Variants in PMVK observed in about 807,000 individuals in gnomAD.
PMVK encodes the protein phosphomevalonate kinase, also known as testis tissue sperm-binding protein Li 95mP.
A neutral mutation model predicts 19.0 loss-of-function variants in PMVK; 10 were observed. That is an observed-to-expected ratio of 0.53 (90% CI 0.32 to 0.89). The LOEUF (loss-of-function observed/expected upper bound fraction) is 0.89. PMVK is among the 40% of genes least tolerant of loss of function. PMVK has a pLI of 0.03. For missense variants in PMVK, 222 were observed against 251.1 expected (o/e 0.88, Z 0.78); for synonymous variants, 108 against 101.6 (o/e 1.06, Z -0.38).
At chr1:154,930,571 G>A (rs11264286) in intron 2 of PMVK, among the ~76,000 whole-genome samples, 29,233 of 129,786 alleles carry the variant, frequency 0.23, 6,734 homozygotes, top group African/African-American at 0.6. Context: ...AGCAAGACCT[G>A]TCTGGGAACT....
rs1654254764 is a variant in PMVK, at chr1:154,929,014, G to A, written c.312+10C>T. On this transcript the variant is annotated intron_variant, in intron 3 of 4. Coordinates refer to ENST00000368467, the MANE Select transcript of PMVK (RefSeq NM_006556.4). ...CAGGTGTTCTTCATGCTGCCATGGAGCCCTCTTACCCAGATGGGCTGGGAG... is the reference window on the plus strand; with the variant it reads ...CAGGTGTTCTTCATGCTGCCATGGAACCCTCTTACCCAGATGGGCTGGGAG... 1 of 1,612,470 alleles carries A rather than the reference G, an allele frequency of 6.2e-7. No homozygotes were observed. Among genetic ancestry groups the A allele is most frequent in the East Asian group, 2.2e-5 (1 of 44,860 alleles).
chr1:154,938,042 G>C (rs759343801), upstream of PMVK: 1 of 152,174 alleles, frequency 6.6e-6, no homozygotes, highest in Non-Finnish European at 1.5e-5. Context: ...AAAATACTTT[G>C]TAAGTTCTCA....
chr1:154,931,428 T>A (rs1654331800), intron 2 of PMVK, among the ~76,000 whole-genome samples: 1 of 152,200 alleles, frequency 6.6e-6, no homozygotes. Context: ...TTATTTTTTT[T>A]ATTCTATTTT....
intron 1 of PMVK, among the ~76,000 whole-genome samples, chr1:154,933,491 T>G (rs1209477684): frequency 1.1e-5 from 1 of 92,776 alleles, no homozygotes; most frequent in Non-Finnish European, 1.9e-5. Flanking sequence ...TTAACCAACC[T>G]TTTTTTTTTT....
intron 2 of PMVK, 72 bp from the exon 3 acceptor site, chr1:154,929,248 G>A: frequency 6.9e-7 from 1 of 1,457,024 alleles, no homozygotes; most frequent in Non-Finnish European, 9.6e-7. Context: ...CAGCGGAAGA[G>A]CCATCCCTCA....
intron 1 of PMVK, among the ~76,000 whole-genome samples, chr1:154,933,490 C>A (rs1420776814): frequency 8.8e-6 from 1 of 113,988 alleles, no homozygotes; most frequent in Non-Finnish European, 1.7e-5. Context: ...CTTAACCAAC[C>A]TTTTTTTTTT....
upstream of PMVK, chr1:154,937,091 C>T (rs1654534184): frequency 5.4e-6 from 1 of 184,658 alleles, no homozygotes; most frequent in Non-Finnish European, 1.2e-5. Flanking sequence ...AGGTGAACCC[C>T]ATGTTCCCTT....
At position 154,936,655 on chromosome 1, in the gene PMVK, CCAGCCGCG is replaced by C; in HGVS notation, c.23_30del (p.Pro8ArgfsTer26). The C allele has an allele frequency of 1.9e-6, 3 of 1,608,706 alleles. No individual in the cohort carries two copies. The highest frequency in any genetic ancestry group is 1.7e-6 in the Non-Finnish European group (2 of 1,178,050). ...TTCCTCTTGCCGCTGAACAGCAGTACCAGCCGCGGGGCGCCTCCCAGCGGGGCCATGGG... is the reference window on the plus strand; with the variant it reads ...TTCCTCTTGCCGCTGAACAGCAGTACGGGCGCCTCCCAGCGGGGCCATGGG... On this transcript the variant is annotated frameshift_variant, in exon 1 of 5. Coordinates refer to ENST00000368467, the MANE Select transcript of PMVK (RefSeq NM_006556.4). LOFTEE classifies it high-confidence loss of function.
chr1:154,925,729 A>G (rs1173052245), intron 4 of PMVK, among the ~76,000 whole-genome samples: 1 of 152,216 alleles, frequency 6.6e-6, no homozygotes, highest in African/African-American at 2.4e-5. Flanking sequence ...CTTTCAGGCC[A>G]GGGCCTCATC....
At chr1:154,929,286 G>T in intron 2 of PMVK, 110 bp from the exon 3 acceptor site, 1 of 996,880 alleles carries the variant, frequency 1.0e-6, no homozygotes, top group South Asian at 1.5e-5. Flanking sequence ...CAGGGCTGAT[G>T]CAAGGATTAA....
intron 1 of PMVK, among the ~76,000 whole-genome samples, chr1:154,936,202 C>T (rs1571386574): frequency 6.6e-6 from 1 of 152,264 alleles, no homozygotes; most frequent in East Asian, 1.9e-4. Flanking sequence ...CTACCTCAGG[C>T]TCCTGAATAG....
intron 1 of PMVK, among the ~76,000 whole-genome samples, chr1:154,935,666 G>A (rs779727249): frequency 6.6e-6 from 1 of 152,112 alleles, no homozygotes; most frequent in Non-Finnish European, 1.5e-5. Context: ...GACCAGCAAG[G>A]GTTTTTTGTT....
At chr1:154,927,766 C>A (rs181251339) in intron 3 of PMVK, among the ~76,000 whole-genome samples, 1 of 152,234 alleles carries the variant, frequency 6.6e-6, no homozygotes, top group East Asian at 1.9e-4. Flanking sequence ...AAAGCTACTT[C>A]CCCAAATATC....
upstream of PMVK, among the ~76,000 whole-genome samples, chr1:154,940,481 T>C (rs1654619976): frequency 6.6e-6 from 1 of 152,182 alleles, no homozygotes; most frequent in Non-Finnish European, 1.5e-5. Flanking sequence ...CCCTCAGACC[T>C]GCAGGCTGCC....
At chr1:154,940,619 T>G (rs1654622273), upstream of PMVK, among the ~76,000 whole-genome samples, 1 of 152,206 alleles carries the variant, frequency 6.6e-6, no homozygotes, top group Admixed American at 6.5e-5. Flanking sequence ...CTATTATCTT[T>G]CAAGATCCAA....
intron 2 of PMVK, among the ~76,000 whole-genome samples, chr1:154,931,296 A>C (rs937041646): frequency 6.6e-6 from 1 of 152,136 alleles, no homozygotes. Context: ...ACGTCCCAGA[A>C]GGGTGCACCT....
At chr1:154,938,823 G>A (rs1342233011), upstream of PMVK, among the ~76,000 whole-genome samples, 1 of 152,162 alleles carries the variant, frequency 6.6e-6, no homozygotes, top group Non-Finnish European at 1.5e-5. Context: ...CCACCTGCCT[G>A]CGCTACCCTC....
upstream of PMVK, among the ~76,000 whole-genome samples, chr1:154,940,776 C>T (rs1654624154): frequency 6.6e-6 from 1 of 152,200 alleles, no homozygotes; most frequent in African/African-American, 2.4e-5. Context: ...GCATCTAGCA[C>T]AGTATTGAGA....
Position 154,925,167 on chromosome 1 carries a change from A to G in PMVK, c.541T>C (p.Leu181=). The change falls in exon 5 of 5, where the codon TTG becomes CTG. Residue 181 remains leucine, a synonymous_variant. Transcript: ENST00000368467. ...HGVEQRLEEQ[L]ENLIEFIRSR... is the part of the protein sequence containing the mutation. Reference sequence around the variant, plus strand: ...CGGATAAATTCTATCAGGTTCTCCAACTGCTCCTCCAGGCGCTGTTCAACT... The same window carrying G: ...CGGATAAATTCTATCAGGTTCTCCAGCTGCTCCTCCAGGCGCTGTTCAACT... The G allele has an allele frequency of 6.2e-7, 1 of 1,613,760 alleles. No homozygotes were observed. The highest frequency in any genetic ancestry group is 1.1e-5 in the South Asian group (1 of 91,054).
Sources: allele counts gnomAD v4.1 joint callset (sites outside exome capture counted in the v4.1 genomes callset), GRCh38; gene constraint gnomAD v4.1.1; transcripts MANE v1.5; gene names NCBI Gene and HGNC (gene_info 2026-07-23, HGNC 2026-07-21).